Variants in GPRIN3 observed in about 807,000 individuals in gnomAD.
The protein encoded by GPRIN3 is G protein-regulated inducer of neurite outgrowth 3.
Under a neutral mutation model 13.7 loss-of-function variants are expected in GPRIN3, and 12 were observed. That is an observed-to-expected ratio of 0.87 (90% CI 0.56 to 1.42). The LOEUF is 1.42. Ranked by LOEUF, GPRIN3 falls within the 40% of genes most tolerant of loss-of-function variation. The pLI is 0.00. For missense variants in GPRIN3, 1,009 were observed against 958.7 expected, an observed-to-expected ratio of 1.05 and a Z score of -0.69; for synonymous variants, 377 against 372.7, an observed-to-expected ratio of 1.01 and a Z score of -0.13.
In GPRIN3 at chr4:89,243,403, T is replaced by G. The variant is rs1260193258; in HGVS notation, c.*4377A>C. ...GAGATTCAGCATATCCTCTGTTATTTGCCAGGTGGCAGCAGCTGACCCGAA... is the reference window on the plus strand; with the variant it reads ...GAGATTCAGCATATCCTCTGTTATTGGCCAGGTGGCAGCAGCTGACCCGAA... On this transcript the variant is annotated 3_prime_UTR_variant, in exon 2 of 2. Transcript: ENST00000609438. 1 of 152,208 alleles carries G rather than the reference T, an allele frequency of 6.6e-6. No homozygotes were observed. Among genetic ancestry groups the G allele is most frequent in the Non-Finnish European group, 1.5e-5 (1 of 68,038 alleles). 9.4% of individuals were successfully genotyped at this position (152,208 alleles called of 1,614,324 possible). A position where few individuals can be genotyped will look rare whatever the true frequency, so the allele number is the denominator to read the frequency against.
Position 89,248,353 on chromosome 4 carries a change from C to T in GPRIN3, c.1758G>A (p.Arg586=), listed in dbSNP as rs747590693. 1.2e-6 allele frequency: 2 copies of T among 1,614,094 alleles called. No individual in the cohort carries two copies. The highest frequency in any genetic ancestry group is 1.1e-5 in the South Asian group (1 of 91,070). Reference sequence around the variant, plus strand: ...CTTCTAAGGTGCTCTCCTGGTTCTTCCTAATTGGGGAGGGTGTAGGATTAG... The same window carrying T: ...CTTCTAAGGTGCTCTCCTGGTTCTTTCTAATTGGGGAGGGTGTAGGATTAG... ...SAANPTPSPI[R]KNQESTLEEN... is the part of the protein sequence containing the mutation. Residue 586 remains arginine (R), a synonymous_variant, in exon 2 of 2, where the codon AGG becomes AGA. Transcript: ENST00000609438.
At chr4:89,294,585 A>AT (rs1483536569) in intron 1 of GPRIN3, among the ~76,000 whole-genome samples, 1 of 152,238 alleles carries the variant, frequency 6.6e-6, no homozygotes, top group Admixed American at 6.5e-5. Flanking sequence ...TGGCACACAG[A>AT]TAAGTCCTTA....
intron 1 of GPRIN3, among the ~76,000 whole-genome samples, chr4:89,263,465 G>A (rs989012109): frequency 1.3e-5 from 2 of 152,176 alleles, no homozygotes; most frequent in Non-Finnish European, 2.9e-5. Flanking sequence ...GGAGGAGCCT[G>A]GCCCCTCCTC....
At chr4:89,302,064 G>C (rs966769803) in intron 1 of GPRIN3, among the ~76,000 whole-genome samples, 3 of 152,174 alleles carry the variant, frequency 2.0e-5, no homozygotes, top group Non-Finnish European at 2.9e-5. Flanking sequence ...AAATTGTCTT[G>C]TCTTAGATCA....
intron 1 of GPRIN3, among the ~76,000 whole-genome samples, chr4:89,270,855 A>G (rs755098045): frequency 6.6e-6 from 1 of 152,044 alleles, no homozygotes. Flanking sequence ...AAAAAGTACT[A>G]TGCAGAAATT....
intron 1 of GPRIN3, among the ~76,000 whole-genome samples, chr4:89,269,442 C>A (rs922068801): frequency 1.3e-5 from 2 of 152,114 alleles, no homozygotes; most frequent in Non-Finnish European, 2.9e-5. Flanking sequence ...CCTCTACAAG[C>A]CCCATCTGCG....
At position 89,271,739 on chromosome 4, in the gene GPRIN3, A is replaced by G. The variant is rs115508463; in HGVS notation, c.-123-21506T>C. 4.6e-3 allele frequency among the ~76,000 whole-genome samples: 704 copies of G among 152,154 alleles called. 7 individuals are homozygous for G. Among genetic ancestry groups the G allele is most frequent in the African/African-American group, 0.016 (682 of 41,510 alleles). ...ACAAATGGTTAAAACAATAGTCTGG[A>G]CAAGCAATAAGAAGGGCAGTAGAGA... On this transcript the variant is annotated intron_variant, in intron 1 of 1. Coordinates refer to ENST00000609438, the MANE Select transcript of GPRIN3 (RefSeq NM_198281.3).
chr4:89,306,757 A>G (rs919984847), intron 1 of GPRIN3, among the ~76,000 whole-genome samples: 1 of 152,064 alleles, frequency 6.6e-6, no homozygotes, highest in Admixed American at 6.5e-5. Context: ...CTACACCCCA[A>G]GCGGTGATTT....
chr4:89,291,054 G>A (rs1724557854), intron 1 of GPRIN3, among the ~76,000 whole-genome samples: 1 of 152,162 alleles, frequency 6.6e-6, no homozygotes, highest in Non-Finnish European at 1.5e-5. Flanking sequence ...GTGCAAATCT[G>A]TTCAGAGAGC....
At chr4:89,282,739 A>C (rs1057055924) in intron 1 of GPRIN3, among the ~76,000 whole-genome samples, 1 of 152,122 alleles carries the variant, frequency 6.6e-6, no homozygotes. Flanking sequence ...ATCACTTGTC[A>C]GAAGTATGGG....
Position 89,248,075 on chromosome 4 carries a change from T to C in GPRIN3, c.2036A>G (p.Lys679Arg). The C allele has an allele frequency of 1.9e-6, 3 of 1,614,156 alleles. No homozygotes were observed. The highest frequency in any genetic ancestry group is 1.7e-6 in the Non-Finnish European group (2 of 1,179,990). Residue 679 changes from lysine (K) to arginine (R), a missense_variant, in exon 2 of 2, where the codon AAG becomes AGG. Transcript: ENST00000609438. ...ADSKLQLKQS[K>R]RVRDVVWDEQ... ...ATCCCACACGACGTCCCTGACACGC[T>C]TGGACTGTTTCAGCTGGAGCTTGGA...
intron 1 of GPRIN3, among the ~76,000 whole-genome samples, chr4:89,301,663 T>C (rs1368385475): frequency 6.6e-6 from 1 of 152,222 alleles, no homozygotes; most frequent in East Asian, 1.9e-4. Flanking sequence ...TCTATTAACA[T>C]AAAGCATCTG....
At chr4:89,277,461 G>A (rs1724126600) in intron 1 of GPRIN3, among the ~76,000 whole-genome samples, 1 of 152,154 alleles carries the variant, frequency 6.6e-6, no homozygotes, top group Non-Finnish European at 1.5e-5. Flanking sequence ...CGCCCACCAG[G>A]TCTACAGCTT....
intron 1 of GPRIN3, among the ~76,000 whole-genome samples, chr4:89,285,157 C>A (rs1474447818): frequency 1.3e-5 from 2 of 150,630 alleles, no homozygotes; most frequent in African/African-American, 4.9e-5. Flanking sequence ...ACCCCTTCCC[C>A]CAAACTGCCT....
intron 1 of GPRIN3, among the ~76,000 whole-genome samples, chr4:89,307,044 G>A (rs919952309): frequency 2.6e-5 from 4 of 152,020 alleles, no homozygotes; most frequent in Non-Finnish European, 5.9e-5. Context: ...CTGATTTAAT[G>A]TGGTTCCAAA....
In GPRIN3 at chr4:89,239,561, A is replaced by G. The variant is rs1450376782; in HGVS notation, c.*8219T>C. On this transcript the variant is annotated 3_prime_UTR_variant, in exon 2 of 2. Coordinates refer to ENST00000609438, the MANE Select transcript of GPRIN3 (RefSeq NM_198281.3). Reference sequence around the variant, plus strand: ...TGGCACATTCGTTCTCTAAAACATGAATATGTTTTTAAATGTTATTCTTAA... The same window carrying G: ...TGGCACATTCGTTCTCTAAAACATGGATATGTTTTTAAATGTTATTCTTAA... 1 of 152,162 alleles carries G rather than the reference A, an allele frequency of 6.6e-6. No homozygotes were observed. The highest frequency in any genetic ancestry group is 1.5e-5 in the Non-Finnish European group (1 of 68,040). 9.4% of individuals were successfully genotyped at this position (152,162 alleles called of 1,614,324 possible). A position where few individuals can be genotyped will look rare whatever the true frequency, so the allele number is the denominator to read the frequency against.
intron 1 of GPRIN3, among the ~76,000 whole-genome samples, chr4:89,263,379 A>G (rs943116559): frequency 1.3e-5 from 2 of 152,094 alleles, no homozygotes; most frequent in Non-Finnish European, 2.9e-5. Flanking sequence ...TCCCCGGAGA[A>G]TCTCCATCCA....
At chr4:89,276,605 T>C (rs2149275466) in intron 1 of GPRIN3, among the ~76,000 whole-genome samples, 1 of 152,296 alleles carries the variant, frequency 6.6e-6, no homozygotes, top group South Asian at 2.1e-4. Flanking sequence ...CTGAAATCCT[T>C]GAAAGGTAAA....
At chr4:89,288,572 A>G (rs937719) in intron 1 of GPRIN3, among the ~76,000 whole-genome samples, 85,807 of 152,028 alleles carry the variant, frequency 0.56, 24,960 homozygotes, top group Non-Finnish European at 0.63. Flanking sequence ...ACTTTGGCCC[A>G]GATGAGGGGA....
Sources: allele counts gnomAD v4.1 joint callset (sites outside exome capture counted in the v4.1 genomes callset), GRCh38; gene constraint gnomAD v4.1.1; transcripts MANE v1.5; gene names NCBI Gene and HGNC (gene_info 2026-07-23, HGNC 2026-07-21).